TBCK: variants seen among roughly 807,000 people sequenced by gnomAD.
TBCK encodes TBC1 domain containing kinase.
TBCK carries 99 observed loss-of-function variants against 113.4 expected under a neutral mutation model. The ratio of observed to expected loss-of-function variants is 0.87; its 90% confidence interval spans 0.74 to 1.03. TBCK has a LOEUF of 1.03. TBCK is among the 50% of genes least tolerant of loss of function. TBCK has a pLI of 0.00. For synonymous variants in TBCK, 369 were observed against 370.8 expected (o/e 1.00, Z 0.05); for missense variants, 1,045 against 1,061.3 (o/e 0.98, Z 0.21).
chr4:106,145,678 T>C (rs1747703467), intron 23 of TBCK, among the ~76,000 whole-genome samples: 1 of 152,178 alleles, frequency 6.6e-6, no homozygotes, highest in African/African-American at 2.4e-5. Context: ...TTCATGTCCT[T>C]TGCCCACTTT....
At chr4:106,274,840 A>G (rs1763841857) in intron 3 of TBCK, among the ~76,000 whole-genome samples, 1 of 152,206 alleles carries the variant, frequency 6.6e-6, no homozygotes, top group Non-Finnish European at 1.5e-5. Flanking sequence ...AATTTTAAGA[A>G]TTCAAAATCA....
At chr4:106,119,427 C>A (rs1743973048) in intron 23 of TBCK, among the ~76,000 whole-genome samples, 1 of 151,988 alleles carries the variant, frequency 6.6e-6, no homozygotes, top group Admixed American at 6.6e-5. Flanking sequence ...ACAGTCTTTT[C>A]AATAAATGGT....
chr4:106,072,496 T>C (rs1299689398), intron 25 of TBCK, among the ~76,000 whole-genome samples: 1 of 152,228 alleles, frequency 6.6e-6, no homozygotes, highest in African/African-American at 2.4e-5. Context: ...CCTTTGTGGG[T>C]AACCCAATCT....
At chr4:106,232,497 A>T (rs1758970234) in intron 17 of TBCK, among the ~76,000 whole-genome samples, 1 of 150,854 alleles carries the variant, frequency 6.6e-6, no homozygotes, top group South Asian at 2.1e-4. Context: ...AAAAGATATG[A>T]ACCATTAAAG....
chr4:106,162,475 G>C (rs1023509138), intron 23 of TBCK, among the ~76,000 whole-genome samples: 1 of 152,142 alleles, frequency 6.6e-6, no homozygotes, highest in African/African-American at 2.4e-5. Context: ...GACTCTGTGT[G>C]GGAGTTCTGA....
At chr4:106,271,075 C>T (rs1763425421) in intron 3 of TBCK, among the ~76,000 whole-genome samples, 1 of 152,094 alleles carries the variant, frequency 6.6e-6, no homozygotes, top group Non-Finnish European at 1.5e-5. Context: ...TAATGTAGAA[C>T]TCTGAGTTCT....
chr4:106,186,581 T>C (rs1035342011), intron 22 of TBCK, among the ~76,000 whole-genome samples: 1 of 152,144 alleles, frequency 6.6e-6, no homozygotes, highest in African/African-American at 2.4e-5. Context: ...AAAGGGGTCA[T>C]TTGTGTTTTC....
At chr4:106,095,368 A>G (rs766625708) in intron 25 of TBCK, 114 bp downstream of exon 25, 103 of 922,574 alleles carry the variant, frequency 1.1e-4, no homozygotes, top group Non-Finnish European at 1.5e-4. Flanking sequence ...AAATCTTCAA[A>G]GCTCATAGTA....
At chr4:106,182,042 C>T (rs1362073708) in intron 22 of TBCK, among the ~76,000 whole-genome samples, 1 of 151,960 alleles carries the variant, frequency 6.6e-6, no homozygotes. Flanking sequence ...TTCTTATTTC[C>T]TTGAGCAGTG....
chr4:106,090,091 G>A (rs1008517069), intron 25 of TBCK, among the ~76,000 whole-genome samples: 1 of 152,222 alleles, frequency 6.6e-6, no homozygotes, highest in Non-Finnish European at 1.5e-5. Flanking sequence ...CTCTGCTCCT[G>A]TAGTAGGCTT....
intron 2 of TBCK, among the ~76,000 whole-genome samples, chr4:106,299,574 T>C (rs1488885991): frequency 6.6e-6 from 1 of 152,216 alleles, no homozygotes; most frequent in Non-Finnish European, 1.5e-5. Flanking sequence ...TGCTGAGCCA[T>C]AATCCTCAGC....
intron 23 of TBCK, among the ~76,000 whole-genome samples, chr4:106,158,816 T>A (rs1194100244): frequency 2.0e-5 from 3 of 152,172 alleles, no homozygotes; most frequent in Non-Finnish European, 4.4e-5. Context: ...TTACCCTGAT[T>A]CCAAAGCCAT....
At chr4:106,291,421 C>T (rs940670557) in intron 3 of TBCK, among the ~76,000 whole-genome samples, 3 of 152,152 alleles carry the variant, frequency 2.0e-5, no homozygotes, top group Non-Finnish European at 2.9e-5. Context: ...ACCAACAGTC[C>T]TACTTAAATT....
chr4:106,215,445 A>T (rs1055413847), intron 19 of TBCK, among the ~76,000 whole-genome samples: 1 of 152,176 alleles, frequency 6.6e-6, no homozygotes, highest in Non-Finnish European at 1.5e-5. Context: ...GTCAAGACCC[A>T]TCAGTGTGCT....
At chr4:106,212,681 C>T (rs1756290518) in intron 20 of TBCK, 69 bp downstream of exon 20, 3 of 1,116,916 alleles carry the variant, frequency 2.7e-6, no homozygotes, top group Middle Eastern at 2.1e-4. Context: ...AGAAAATACA[C>T]TCTTCTGTGC....
At chr4:106,145,648 C>A (rs1747700166) in intron 23 of TBCK, among the ~76,000 whole-genome samples, 1 of 152,116 alleles carries the variant, frequency 6.6e-6, no homozygotes, top group South Asian at 2.1e-4. Flanking sequence ...TAATGTATGT[C>A]TTCTCTTGAG....
intron 2 of TBCK, among the ~76,000 whole-genome samples, chr4:106,300,175 C>A (rs1025022235): frequency 3.3e-5 from 5 of 152,182 alleles, no homozygotes; most frequent in African/African-American, 1.2e-4. Flanking sequence ...CTCCTCCTTG[C>A]CTTCCACCAT....
chr4:106,186,040 T>C (rs1752986453), intron 22 of TBCK, among the ~76,000 whole-genome samples: 1 of 152,164 alleles, frequency 6.6e-6, no homozygotes, highest in South Asian at 2.1e-4. Flanking sequence ...GCTCCATCCA[T>C]ATTGCTGCAA....
At chr4:106,163,453 C>A (rs1204841449) in intron 23 of TBCK, 2 of 152,170 alleles carry the variant, frequency 1.3e-5, no homozygotes, top group Non-Finnish European at 2.9e-5. Context: ...TATAGCAGCA[C>A]CCAACTGTAC....
Sources: allele counts gnomAD v4.1 joint callset (sites outside exome capture counted in the v4.1 genomes callset), GRCh38; gene constraint gnomAD v4.1.1; transcripts MANE v1.5; gene names NCBI Gene and HGNC (gene_info 2026-07-23, HGNC 2026-07-21).